The following RBFOX1 variants were observed in gnomAD, a reference collection of about 807,000 sequenced individuals.
RBFOX1 encodes the protein RNA binding fox-1 homolog 1, also known as RNA binding protein fox-1 homolog 1.
A neutral mutation model predicts 57.7 loss-of-function variants in RBFOX1; 8 were observed. The ratio of observed to expected loss-of-function variants is 0.14; its 90% CI spans 0.08 to 0.25. The LOEUF (loss-of-function observed/expected upper bound fraction) is 0.25. Among genes scored for constraint, RBFOX1 ranks in the 10% least tolerant of loss-of-function variants. RBFOX1 has a pLI of 1.00. For missense variants in RBFOX1, 611 were observed against 548.5 expected, an observed-to-expected ratio of 1.11 and a Z score of -1.14; for synonymous variants, 326 against 222.4, an observed-to-expected ratio of 1.47 and a Z score of -4.15.
intron 1 of RBFOX1, among the ~76,000 whole-genome samples, chr16:6,157,349 C>G (rs1030899747): frequency 3.3e-5 from 5 of 151,984 alleles, no homozygotes; most frequent in Non-Finnish European, 7.4e-5. Flanking sequence ...CACAGGATGC[C>G]CAGCTAAATT....
At chr16:6,797,274 A>G (rs1426182650) in intron 3 of RBFOX1, among the ~76,000 whole-genome samples, 3 of 152,150 alleles carry the variant, frequency 2.0e-5, no homozygotes, top group Non-Finnish European at 4.4e-5. Context: ...TGTCCTTAGG[A>G]TCCTGGTAAA....
At chr16:6,229,162 C>G (rs190304768) in intron 1 of RBFOX1, among the ~76,000 whole-genome samples, 35 of 152,114 alleles carry the variant, frequency 2.3e-4, no homozygotes, top group African/African-American at 7.7e-4. Flanking sequence ...CCTTTTACCC[C>G]CCGAGACTAT....
chr16:6,083,725 C>G (rs1477466485), intron 1 of RBFOX1, among the ~76,000 whole-genome samples: 1 of 152,178 alleles, frequency 6.6e-6, no homozygotes. Context: ...GATCCTCCTA[C>G]CTTGGCCTCC....
At chr16:5,404,188 T>G (rs187241923) in intron 1 of RBFOX1, among the ~76,000 whole-genome samples, 4 of 152,128 alleles carry the variant, frequency 2.6e-5, no homozygotes, top group African/African-American at 7.2e-5. Context: ...ATTAGTTAAT[T>G]CATACAATGT....
chr16:5,846,777 A>T (rs1280499055), intron 3 of RBFOX1, among the ~76,000 whole-genome samples: 1 of 152,212 alleles, frequency 6.6e-6, no homozygotes, highest in Non-Finnish European at 1.5e-5. Context: ...GATGTGAAGG[A>T]CCACATAGGT....
At chr16:6,575,772 G>T (rs12444800) in intron 2 of RBFOX1, among the ~76,000 whole-genome samples, 63,406 of 150,954 alleles carry the variant, frequency 0.42, 14,845 homozygotes, top group East Asian at 0.67. Flanking sequence ...CAGGAGAATC[G>T]CTTGAACCCA....
chr16:6,859,670 A>T (rs1008720791), intron 3 of RBFOX1, among the ~76,000 whole-genome samples: 1 of 152,184 alleles, frequency 6.6e-6, no homozygotes, highest in African/African-American at 2.4e-5. Flanking sequence ...CAATAATGGA[A>T]CCATTTAATT....
intron 3 of RBFOX1, among the ~76,000 whole-genome samples, chr16:5,741,082 G>A (rs1448041553): frequency 2.6e-5 from 4 of 152,170 alleles, no homozygotes; most frequent in Non-Finnish European, 5.9e-5. Context: ...CAGGAAGGGT[G>A]GAGTCACTGG....
intron 2 of RBFOX1, among the ~76,000 whole-genome samples, chr16:6,363,027 C>T (rs753103824): frequency 2.9e-4 from 44 of 152,132 alleles, no homozygotes; most frequent in Admixed American, 1.1e-3. Flanking sequence ...TCAAAGCAGG[C>T]GTGCACAGTT....
intron 2 of RBFOX1, chr16:6,483,626 C>G: frequency 6.7e-7 from 1 of 1,497,064 alleles, no homozygotes; most frequent in Non-Finnish European, 8.9e-7. Flanking sequence ...AGGGAGAGAC[C>G]AGGCAGCTTC....
At chr16:6,487,197 A>G (rs2095504385) in intron 2 of RBFOX1, among the ~76,000 whole-genome samples, 1 of 150,050 alleles carries the variant, frequency 6.7e-6, no homozygotes, top group Non-Finnish European at 1.5e-5. Flanking sequence ...AAAGGCCGAA[A>G]CAGCTTATGT....
At chr16:7,487,069 T>G (rs1221105629) in intron 4 of RBFOX1, among the ~76,000 whole-genome samples, 1 of 152,066 alleles carries the variant, frequency 6.6e-6, no homozygotes, top group Non-Finnish European at 1.5e-5. Flanking sequence ...CCAGCTAATT[T>G]TTGTAATTTT....
intron 4 of RBFOX1, among the ~76,000 whole-genome samples, chr16:7,499,435 T>G (rs1205166249): frequency 6.6e-6 from 1 of 152,144 alleles, no homozygotes; most frequent in Non-Finnish European, 1.5e-5. Flanking sequence ...GGTTACATTC[T>G]GAGATACTGG....
intron 1 of RBFOX1, among the ~76,000 whole-genome samples, chr16:6,104,880 A>G (rs529035094): frequency 9.2e-5 from 14 of 152,232 alleles, no homozygotes; most frequent in Non-Finnish European, 1.3e-4. Flanking sequence ...AAATGTCCAG[A>G]AAAGGCAAAC....
At chr16:7,520,904 TA>T (rs757610718) in intron 5 of RBFOX1, among the ~76,000 whole-genome samples, 8,197 of 152,288 alleles carry the variant, frequency 0.054, 307 homozygotes, top group South Asian at 0.13. Flanking sequence ...CACAAATATT[TA>T]TTAAGCTTCT....
At chr16:5,840,570 C>A (rs7200548) in intron 3 of RBFOX1, among the ~76,000 whole-genome samples, 2 of 152,048 alleles carry the variant, frequency 1.3e-5, no homozygotes, top group Non-Finnish European at 2.9e-5. Flanking sequence ...CTGAGCTCTA[C>A]AAGAAGAGGC....
intron 1 of RBFOX1, among the ~76,000 whole-genome samples, chr16:5,285,864 C>T (rs1237806603): frequency 3.3e-5 from 5 of 152,078 alleles, no homozygotes; most frequent in African/African-American, 4.8e-5. Context: ...CTCTGCCTCC[C>T]GGGTTCAAGC....
chr16:6,963,854 A>G (rs2153554551), intron 3 of RBFOX1, among the ~76,000 whole-genome samples: 1 of 151,428 alleles, frequency 6.6e-6, no homozygotes, highest in Middle Eastern at 3.4e-3. Flanking sequence ...GCACACCACC[A>G]CGCCTGGCTA....
At chr16:7,480,105 A>C (rs771962594) in intron 4 of RBFOX1, among the ~76,000 whole-genome samples, 4 of 152,146 alleles carry the variant, frequency 2.6e-5, no homozygotes, top group Non-Finnish European at 4.4e-5. Context: ...GTTCTTAAAG[A>C]AGGCTGAATA....
Sources: allele counts gnomAD v4.1 joint callset (sites outside exome capture counted in the v4.1 genomes callset), GRCh38; gene constraint gnomAD v4.1.1; transcripts MANE v1.5; gene names NCBI Gene and HGNC (gene_info 2026-07-23, HGNC 2026-07-21).